Variants in ZFAND3 observed in about 807,000 individuals in gnomAD.
ZFAND3 encodes AN1-type zinc finger protein 3.
A neutral mutation model predicts 29.6 loss-of-function variants in ZFAND3; 10 were observed. That is an observed-to-expected ratio of 0.34 (90% CI 0.21 to 0.57). The LOEUF is 0.57. Among genes scored for constraint, ZFAND3 ranks in the 20% least tolerant of loss-of-function variants. ZFAND3 has a pLI of 0.86. For synonymous variants in ZFAND3, 128 were observed against 112.6 expected (o/e 1.14, Z -0.87); for missense variants, 230 against 304.5 (o/e 0.76, Z 1.82).
At position 37,870,292 on chromosome 6, in the gene ZFAND3, C is replaced by CAAAAAAAAA. The variant is rs1174577231; in HGVS notation, c.71+50295_71+50303dup. ...CCTGGGCGACAGAGCGAGACTGTCT[C>CAAAAAAAAA]AAAAAAAAAAAAAAAAAAAAAAAAA... On this transcript the variant is annotated intron_variant, in intron 1 of 5. Coordinates refer to ENST00000287218, the MANE Select transcript of ZFAND3 (RefSeq NM_021943.3). Among the ~76,000 whole-genome samples, 4 of 33,486 alleles carry CAAAAAAAAA rather than the reference C, an allele frequency of 1.2e-4. 1 individual carries two copies. Among genetic ancestry groups the CAAAAAAAAA allele is most frequent in the African/African-American group, 2.7e-4 (2 of 7,530 alleles). 22.0% of individuals were successfully genotyped at this position (33,486 alleles called of 152,430 possible).
intron 4 of ZFAND3, among the ~76,000 whole-genome samples, chr6:38,113,368 C>G (rs1421932016): frequency 6.6e-6 from 1 of 152,122 alleles, no homozygotes; most frequent in Non-Finnish European, 1.5e-5. Flanking sequence ...GTGGCAGCAT[C>G]AGAAACCTCC....
At chr6:37,931,709 G>T (rs1345004121) in intron 2 of ZFAND3, among the ~76,000 whole-genome samples, 1 of 152,130 alleles carries the variant, frequency 6.6e-6, no homozygotes, top group Admixed American at 6.5e-5. Flanking sequence ...CTCAGAGGAG[G>T]CTGGCTAGAT....
chr6:37,934,881 C>G (rs567278969), intron 2 of ZFAND3, among the ~76,000 whole-genome samples: 5 of 147,282 alleles, frequency 3.4e-5, no homozygotes, highest in African/African-American at 1.2e-4. Flanking sequence ...GTTAATCTTA[C>G]CATACTATAT....
At chr6:37,913,429 A>G (rs1041359587) in intron 1 of ZFAND3, among the ~76,000 whole-genome samples, 3 of 152,194 alleles carry the variant, frequency 2.0e-5, no homozygotes, top group African/African-American at 4.8e-5. Context: ...CAATTTTATT[A>G]TGACATTGCA....
intron 2 of ZFAND3, among the ~76,000 whole-genome samples, chr6:37,935,657 T>C (rs576849311): frequency 1.3e-5 from 2 of 152,332 alleles, no homozygotes; most frequent in South Asian, 2.1e-4. Context: ...GAAAATAATG[T>C]GTAATGGGTT....
intron 1 of ZFAND3, among the ~76,000 whole-genome samples, chr6:37,860,274 T>A (rs1370436298): frequency 6.7e-6 from 1 of 149,808 alleles, no homozygotes; most frequent in African/African-American, 2.5e-5. Flanking sequence ...TAAAGAGGAA[T>A]AATATTATAA....
At chr6:38,048,571 G>A (rs1228645137) in intron 2 of ZFAND3, among the ~76,000 whole-genome samples, 1 of 128,972 alleles carries the variant, frequency 7.8e-6, no homozygotes, top group Non-Finnish European at 1.5e-5. Flanking sequence ...GCAGTGAGCC[G>A]AGATCGCGCC....
At chr6:37,912,876 T>TTTTTG (rs1478188808) in intron 1 of ZFAND3, among the ~76,000 whole-genome samples, 9 of 152,324 alleles carry the variant, frequency 5.9e-5, no homozygotes, top group Admixed American at 3.9e-4. Flanking sequence ...GATAATGCAG[T>TTTTTG]TTTTGTTCCT....
chr6:37,984,491 AT>A (rs1762631882), intron 2 of ZFAND3, among the ~76,000 whole-genome samples: 1 of 152,232 alleles, frequency 6.6e-6, no homozygotes, highest in African/African-American at 2.4e-5. Context: ...CAAACTAAAA[AT>A]TTGAACAACA....
chr6:38,123,458 A>G (rs1765571969), intron 5 of ZFAND3, among the ~76,000 whole-genome samples: 1 of 152,276 alleles, frequency 6.6e-6, no homozygotes, highest in African/African-American at 2.4e-5. Context: ...GTATGTTCTT[A>G]TAAAAAGCCT....
chr6:37,909,827 G>T (rs1217051416), intron 1 of ZFAND3, among the ~76,000 whole-genome samples: 1 of 152,042 alleles, frequency 6.6e-6, no homozygotes, highest in Non-Finnish European at 1.5e-5. Flanking sequence ...AGTAATTAAT[G>T]TGAAGCTCTT....
At chr6:38,126,124 A>C (rs1019395675) in intron 5 of ZFAND3, among the ~76,000 whole-genome samples, 7 of 152,190 alleles carry the variant, frequency 4.6e-5, no homozygotes, top group African/African-American at 1.7e-4. Flanking sequence ...CCAACCACTT[A>C]AAGTCTGCTT....
At position 38,070,506 on chromosome 6, in the gene ZFAND3, G is replaced by A. The variant is rs988307553; in HGVS notation, c.295+8731G>A. Reference sequence around the variant, plus strand: ...GCTTTTTAACTTAATATATTTTAGAGCTCTTTCCAAGTCTACACATGGAGA... The same window carrying A: ...GCTTTTTAACTTAATATATTTTAGAACTCTTTCCAAGTCTACACATGGAGA... On this transcript the variant is annotated intron_variant, in intron 3 of 5. Coordinates refer to ENST00000287218, the MANE Select transcript of ZFAND3 (RefSeq NM_021943.3). Among the ~76,000 whole-genome samples the A allele has an allele frequency of 2.4e-4, 36 of 151,650 alleles. 1 individual carries two copies. Among genetic ancestry groups the A allele is most frequent in the Admixed American group, 1.6e-3 (24 of 15,224 alleles).
intron 4 of ZFAND3, among the ~76,000 whole-genome samples, chr6:38,097,525 CAGG>C (rs146608724): frequency 0.046 from 6,937 of 152,178 alleles, 451 homozygotes; most frequent in African/African-American, 0.14. Context: ...CTTTCAAATT[CAGG>C]AGGAGAATTC....
intron 3 of ZFAND3, among the ~76,000 whole-genome samples, chr6:38,073,548 CAA>C (rs924907742): frequency 3.9e-5 from 6 of 152,216 alleles, no homozygotes; most frequent in African/African-American, 1.4e-4. Context: ...TGCTTTGTCA[CAA>C]GAGAAAAACA....
intron 4 of ZFAND3, among the ~76,000 whole-genome samples, chr6:38,103,822 T>G (rs1435658152): frequency 6.6e-6 from 1 of 152,212 alleles, no homozygotes; most frequent in Non-Finnish European, 1.5e-5. Context: ...TCTGTCTGTT[T>G]TGTCTTAACT....
chr6:37,984,428 G>A (rs1762630585), intron 2 of ZFAND3, among the ~76,000 whole-genome samples: 1 of 152,180 alleles, frequency 6.6e-6, no homozygotes, highest in South Asian at 2.1e-4. Context: ...GTTGGAATGG[G>A]GGCTCAGATG....
At chr6:37,913,705 A>ATTTTTTTTTTT (rs1581756231) in intron 1 of ZFAND3, among the ~76,000 whole-genome samples, 4 of 111,642 alleles carry the variant, frequency 3.6e-5, no homozygotes, top group Admixed American at 8.7e-5. Context: ...TGGCAGCTAT[A>ATTTTTTTTTTT]TTCTTTTTTT....
chr6:37,918,348 T>G (rs1227058758), intron 1 of ZFAND3, among the ~76,000 whole-genome samples: 2 of 152,280 alleles, frequency 1.3e-5, no homozygotes, highest in African/African-American at 4.8e-5. Flanking sequence ...GTGCGAGGAT[T>G]ACAGGCGTGA....
Sources: gnomAD v4.1 joint callset for allele counts (sites outside exome capture counted in the v4.1 genomes callset) on GRCh38, gnomAD v4.1.1 for gene constraint, MANE v1.5 for transcripts, NCBI Gene and HGNC (gene_info 2026-07-23, HGNC 2026-07-21) for gene names.